Variants in NALF1 observed in about 807,000 individuals in gnomAD.
NALF1 encodes NALCN channel auxiliary factor 1.
Under a neutral mutation model 48.4 loss-of-function variants are expected in NALF1, and 3 were observed. That is an observed-to-expected ratio of 0.06 (90% confidence interval 0.03 to 0.16). The LOEUF (loss-of-function observed/expected upper bound fraction) is 0.16, where lower values mean the gene tolerates loss of function less well. Among genes scored for constraint, NALF1 ranks in the 10% least tolerant of loss-of-function variants. The probability of loss-of-function intolerance (pLI) is 1.00; values close to 1 mark genes in which losing one functional copy is unlikely to be tolerated. For missense variants in NALF1, 526 were observed against 571.5 expected (o/e 0.92, Z 0.81); for synonymous variants, 262 against 245.7 (o/e 1.07, Z -0.62).
chr13:107,627,865 C>T (rs1879721312), intron 1 of NALF1, among the ~76,000 whole-genome samples: 1 of 152,016 alleles, frequency 6.6e-6, no homozygotes, highest in Non-Finnish European at 1.5e-5. Flanking sequence ...CCCTCTGAAA[C>T]CAAACTCGCT....
intron 1 of NALF1, among the ~76,000 whole-genome samples, chr13:107,504,965 CT>C (rs1263015555): frequency 3.3e-5 from 5 of 152,134 alleles, no homozygotes. Context: ...CACAAAGGAC[CT>C]TGACTTCAGA....
intron 1 of NALF1, among the ~76,000 whole-genome samples, chr13:107,834,690 T>TAAAC (rs1879839420): frequency 6.6e-6 from 1 of 152,218 alleles, no homozygotes; most frequent in Non-Finnish European, 1.5e-5. Flanking sequence ...TATTCCCTGT[T>TAAAC]TAGATGATAA....
In NALF1 at chr13:107,319,295, T is replaced by C. The variant is rs1432325119; in HGVS notation, c.916-108540A>G. ...GGGACAGAAGAACGCTGTGATTAGA[T>C]GTATATTAATATATTGGAAGATCAC... On this transcript the variant is annotated intron_variant, in intron 1 of 2. Transcript: ENST00000375915. Among the ~76,000 whole-genome samples the C allele has an allele frequency of 3.3e-5, 5 of 152,160 alleles. No individual in the cohort carries two copies. The East Asian group carries it at 7.7e-4, about 23-fold the overall frequency.
At chr13:107,664,981 A>G (rs1880821133) in intron 1 of NALF1, among the ~76,000 whole-genome samples, 1 of 152,122 alleles carries the variant, frequency 6.6e-6, no homozygotes, top group Non-Finnish European at 1.5e-5. Context: ...TGAAACAAAA[A>G]AAAAATGTCA....
rs751241876 is a variant in NALF1, at chr13:107,769,944, G to A, written c.915+95738C>T. Among the ~76,000 whole-genome samples, 37 of 152,126 alleles carry A rather than the reference G, an allele frequency of 2.4e-4. 2 individuals are homozygous for A. Among genetic ancestry groups the A allele is most frequent in the East Asian group, 9.7e-4 (5 of 5,166 alleles). ...TTTTGTTTTGTTGAGACGGAGTCTC[G>A]CTCTGTCACCCAGGCTAGAGTGCAG... is the stretch of plus-strand genomic sequence containing the variant. On this transcript the variant is annotated intron_variant, in intron 1 of 2. Coordinates refer to ENST00000375915, the MANE Select transcript of NALF1 (RefSeq NM_001080396.3).
intron 1 of NALF1, among the ~76,000 whole-genome samples, chr13:107,784,250 GT>G (rs1878007960): frequency 6.6e-6 from 1 of 152,194 alleles, no homozygotes; most frequent in South Asian, 2.1e-4. Flanking sequence ...TAGAAATTGT[GT>G]TTTTAAACAA....
intron 1 of NALF1, among the ~76,000 whole-genome samples, chr13:107,864,193 T>C (rs960311966): frequency 6.6e-6 from 1 of 152,214 alleles, no homozygotes; most frequent in Non-Finnish European, 1.5e-5. Flanking sequence ...GTTAAAAAAA[T>C]AGATAAAAAA....
rs11330259 is a variant in NALF1 at position 107,650,394 on chromosome 13, T to TAAAAAAAA, written c.915+215280_915+215287dup. 1.2e-3 allele frequency among the ~76,000 whole-genome samples: 132 copies of TAAAAAAAA among 107,652 alleles called. 6 individuals carry two copies. The highest frequency in any genetic ancestry group is 3.1e-3 in the African/African-American group (97 of 31,556). The allele number at this position is 107,652 out of a possible 152,430, so 70.6% of individuals were successfully genotyped here. The stretch of plus-strand genomic sequence containing the variant: ...TTTGAACGGTAATCTCTGCAACCAT[T>TAAAAAAAA]AAAAAAAAAAAAAAGGAACAAATTA... On this transcript the variant is annotated intron_variant, in intron 1 of 2. Coordinates refer to ENST00000375915, the MANE Select transcript of NALF1 (RefSeq NM_001080396.3).
At chr13:107,488,700 T>C (rs1270882881) in intron 1 of NALF1, among the ~76,000 whole-genome samples, 1 of 152,142 alleles carries the variant, frequency 6.6e-6, no homozygotes, top group Non-Finnish European at 1.5e-5. Context: ...AGCATTCCCC[T>C]TGAAAACTGG....
chr13:107,283,238 A>T (rs1476030048), intron 1 of NALF1, among the ~76,000 whole-genome samples: 1 of 152,158 alleles, frequency 6.6e-6, no homozygotes, highest in Non-Finnish European at 1.5e-5. Context: ...GTTGTAAATC[A>T]CTGGTGAAAT....
At chr13:107,689,762 G>A (rs911464086) in intron 1 of NALF1, among the ~76,000 whole-genome samples, 2 of 152,160 alleles carry the variant, frequency 1.3e-5, no homozygotes, top group Admixed American at 1.3e-4. Flanking sequence ...GTAAGTGAAT[G>A]AGTTATGGCA....
At chr13:107,558,415 G>A (rs1485933303) in intron 1 of NALF1, among the ~76,000 whole-genome samples, 1 of 152,074 alleles carries the variant, frequency 6.6e-6, no homozygotes, top group African/African-American at 2.4e-5. Flanking sequence ...GTATAGTATA[G>A]TATTCCAATT....
At chr13:107,717,629 T>C (rs140369023) in intron 1 of NALF1, among the ~76,000 whole-genome samples, 1 of 148,314 alleles carries the variant, frequency 6.7e-6, no homozygotes, top group Admixed American at 6.7e-5. Context: ...AAAAGATGCA[T>C]CAGTCTTAAT....
At chr13:107,824,166 A>T (rs1283605785) in intron 1 of NALF1, among the ~76,000 whole-genome samples, 1 of 152,184 alleles carries the variant, frequency 6.6e-6, no homozygotes, top group Non-Finnish European at 1.5e-5. Flanking sequence ...TGGTAAGCAC[A>T]TAATTCCATC....
chr13:107,462,731 C>T (rs1280854315), intron 1 of NALF1, among the ~76,000 whole-genome samples: 3 of 152,208 alleles, frequency 2.0e-5, no homozygotes, highest in African/African-American at 4.8e-5. Context: ...GGGTGAGCTT[C>T]CTTGGCAGCT....
chr13:107,393,104 G>A (rs1212642419), intron 1 of NALF1, among the ~76,000 whole-genome samples: 1 of 152,088 alleles, frequency 6.6e-6, no homozygotes, highest in Non-Finnish European at 1.5e-5. Flanking sequence ...TGGAGGTGGT[G>A]AGGAAAAATA....
chr13:107,457,764 A>G lies in NALF1; in HGVS notation c.916-247009T>C, dbSNP rs145523374. On this transcript the variant is annotated intron_variant, in intron 1 of 2. Transcript: ENST00000375915. Reference sequence around the variant, plus strand: ...TGTTTTGGTTACTGAAGCCCAATAAACAAACACTTTCCAAGGAAGCTTCCC... The same window carrying G: ...TGTTTTGGTTACTGAAGCCCAATAAGCAAACACTTTCCAAGGAAGCTTCCC... Among the ~76,000 whole-genome samples the G allele has an allele frequency of 4.4e-4, 67 of 152,312 alleles. No individual in the cohort carries two copies. In the East Asian group the frequency reaches 0.013, roughly 29 times the overall value.
intron 1 of NALF1, among the ~76,000 whole-genome samples, chr13:107,661,228 G>A (rs1338339763): frequency 2.0e-5 from 3 of 152,108 alleles, no homozygotes; most frequent in Non-Finnish European, 4.4e-5. Context: ...CCAACTTCCA[G>A]CCACCCCACA....
chr13:107,845,974 T>C (rs9559173), intron 1 of NALF1, among the ~76,000 whole-genome samples: 18,317 of 152,180 alleles, frequency 0.12, 1,358 homozygotes, highest in African/African-American at 0.2. Flanking sequence ...AATATATATA[T>C]TAGAGTATAC....
Sources: allele counts gnomAD v4.1 joint callset (sites outside exome capture counted in the v4.1 genomes callset), GRCh38; gene constraint gnomAD v4.1.1; transcripts MANE v1.5; gene names NCBI Gene and HGNC (gene_info 2026-07-23, HGNC 2026-07-21).